RGS17: variants seen among roughly 807,000 people sequenced by gnomAD.
RGS17 encodes the protein regulator of G-protein signaling 17.
Under a neutral mutation model 25.5 loss-of-function variants are expected in RGS17, and 12 were observed. That is an observed-to-expected ratio of 0.47 (90% CI 0.30 to 0.76). RGS17 has a LOEUF of 0.76. Among genes scored for constraint, RGS17 ranks in the 30% least tolerant of loss-of-function variants. The pLI is 0.07. For missense variants in RGS17, 196 were observed against 242.2 expected (o/e 0.81, Z 1.27); for synonymous variants, 71 against 76.9 (o/e 0.92, Z 0.40).
At chr6:153,045,052 G>T (rs1437365094) in intron 1 of RGS17, among the ~76,000 whole-genome samples, 1 of 152,028 alleles carries the variant, frequency 6.6e-6, no homozygotes, top group Admixed American at 6.5e-5. Context: ...AGTGCTTCAG[G>T]TTATTTTGGC....
chr6:153,014,052 T>C lies in RGS17; in HGVS notation c.445-2290A>G, dbSNP rs772971814. Among the ~76,000 whole-genome samples, 13 of 152,344 alleles carry C rather than the reference T, an allele frequency of 8.5e-5. No individual in the cohort carries two copies. In the Middle Eastern group the frequency reaches 0.014, roughly 159 times the overall value. The stretch of plus-strand genomic sequence containing the variant: ...ACAGCCTTATATTGGAAGAAGATGC[T>C]ATCTAGGACTTTCAGAGCCAGAGAG... On this transcript the variant is annotated intron_variant, in intron 4 of 4. Coordinates refer to ENST00000206262, the MANE Select transcript of RGS17 (RefSeq NM_012419.5).
chr6:153,064,526 AG>A (rs1228990415), intron 1 of RGS17, among the ~76,000 whole-genome samples: 1 of 151,884 alleles, frequency 6.6e-6, no homozygotes, highest in Non-Finnish European at 1.5e-5. Context: ...GCTACTCGGC[AG>A]GCTGAGGCAG....
chr6:153,087,922 C>T (rs985690825), intron 1 of RGS17, among the ~76,000 whole-genome samples: 2 of 152,178 alleles, frequency 1.3e-5, no homozygotes, highest in African/African-American at 4.8e-5. Flanking sequence ...ATGTGGGTTA[C>T]ATTTACTGAC....
chr6:153,092,787 GTTTTGCTGTTGTGCATCCT>G (rs1777151637), intron 1 of RGS17, among the ~76,000 whole-genome samples: 2 of 152,272 alleles, frequency 1.3e-5, no homozygotes, highest in South Asian at 4.1e-4. Flanking sequence ...ACTTAAGTGC[GTTTTGCTGTTGTGCATCCT>G]TTTAGTCCAG....
intron 1 of RGS17, among the ~76,000 whole-genome samples, chr6:153,104,289 G>A (rs1777347999): frequency 6.6e-6 from 1 of 152,168 alleles, no homozygotes; most frequent in Non-Finnish European, 1.5e-5. Flanking sequence ...TGACATGTTT[G>A]TTATACTCCT....
chr6:153,022,962 A>C (rs1353805380), intron 4 of RGS17, among the ~76,000 whole-genome samples: 2 of 152,100 alleles, frequency 1.3e-5, no homozygotes, highest in African/African-American at 4.8e-5. Context: ...TTTCATGTTC[A>C]TGTAGGAAAT....
intron 1 of RGS17, among the ~76,000 whole-genome samples, chr6:153,128,953 G>C (rs548662638): frequency 6.6e-6 from 1 of 152,138 alleles, no homozygotes; most frequent in South Asian, 2.1e-4. Context: ...TAGCAAAAAG[G>C]GTCGAAATCA....
intron 1 of RGS17, among the ~76,000 whole-genome samples, chr6:153,058,892 T>C (rs1363694414): frequency 8.3e-6 from 1 of 121,082 alleles, no homozygotes; most frequent in Non-Finnish European, 1.7e-5. Flanking sequence ...GTATACTCGT[T>C]AGCGCATTTT....
chr6:153,100,585 A>G (rs1450323842), intron 1 of RGS17, among the ~76,000 whole-genome samples: 1 of 152,214 alleles, frequency 6.6e-6, no homozygotes, highest in East Asian at 1.9e-4. Context: ...AATAGTTTAA[A>G]TGCCAATATA....
At chr6:153,017,967 A>G (rs1229611219) in intron 4 of RGS17, among the ~76,000 whole-genome samples, 1 of 152,202 alleles carries the variant, frequency 6.6e-6, no homozygotes, top group African/African-American at 2.4e-5. Context: ...TCCTCCTATC[A>G]ATTTTCATTT....
chr6:153,115,750 G>GA (rs1218038677), intron 1 of RGS17, among the ~76,000 whole-genome samples: 1 of 152,148 alleles, frequency 6.6e-6, no homozygotes, highest in African/African-American at 2.4e-5. Flanking sequence ...GAACAGAACA[G>GA]AGGCCTCAGA....
intron 2 of RGS17, among the ~76,000 whole-genome samples, chr6:153,029,353 G>A (rs141871611): frequency 6.6e-6 from 1 of 152,292 alleles, no homozygotes; most frequent in African/African-American, 2.4e-5. Flanking sequence ...AAGAGAAATG[G>A]AGAAAATAGA....
intron 4 of RGS17, among the ~76,000 whole-genome samples, chr6:153,019,655 G>A (rs1656054307): frequency 6.6e-6 from 1 of 152,084 alleles, no homozygotes; most frequent in African/African-American, 2.4e-5. Context: ...CCTTGCTCCT[G>A]CTTTGCCCAT....
At chr6:153,125,141 C>G (rs1413218135) in intron 1 of RGS17, among the ~76,000 whole-genome samples, 1 of 152,116 alleles carries the variant, frequency 6.6e-6, no homozygotes, top group Non-Finnish European at 1.5e-5. Flanking sequence ...TACTGTAATG[C>G]CATGGCTCTT....
chr6:153,084,935 T>C (rs1777032701), intron 1 of RGS17, among the ~76,000 whole-genome samples: 1 of 152,226 alleles, frequency 6.6e-6, no homozygotes, highest in South Asian at 2.1e-4. Context: ...TTGAGTACGT[T>C]TGTATGCTAT....
intron 2 of RGS17, among the ~76,000 whole-genome samples, chr6:153,036,446 T>C: frequency 6.6e-6 from 1 of 152,284 alleles, no homozygotes; most frequent in South Asian, 2.1e-4. Flanking sequence ...AAATGTGGTG[T>C]GTCCTGAGGT....
chr6:153,078,835 A>T (rs747630156), intron 1 of RGS17, among the ~76,000 whole-genome samples: 30 of 152,096 alleles, frequency 2.0e-4, no homozygotes, highest in Non-Finnish European at 3.5e-4. Flanking sequence ...ATTTAGTTCC[A>T]ATTTCTAGTC....
At chr6:153,112,032 A>G (rs1380170315) in intron 1 of RGS17, among the ~76,000 whole-genome samples, 1 of 152,226 alleles carries the variant, frequency 6.6e-6, no homozygotes, top group Non-Finnish European at 1.5e-5. Context: ...CTTCTCCTCC[A>G]AAGGATCACA....
Position 153,008,885 on chromosome 6 carries a change from TAG to T in RGS17, c.*2687_*2688del. ...AGGAATTATATCATACTTAGAAAAT[TAG>T]TAGAGTTGCAAATATACAGACATAC... On this transcript the variant is annotated 3_prime_UTR_variant, in exon 5 of 5. Transcript: ENST00000206262. The T allele has an allele frequency of 6.6e-6, 1 of 152,134 alleles. No homozygotes were observed. Among genetic ancestry groups the T allele is most frequent in the African/African-American group, 2.4e-5 (1 of 41,442 alleles). 9.4% of individuals were successfully genotyped at this position (152,134 alleles called of 1,614,324 possible).
Sources: allele counts gnomAD v4.1 joint callset (sites outside exome capture counted in the v4.1 genomes callset), GRCh38; gene constraint gnomAD v4.1.1; transcripts MANE v1.5; gene names NCBI Gene and HGNC (gene_info 2026-07-23, HGNC 2026-07-21).